The following STRN variants were observed in gnomAD, a reference collection of about 807,000 sequenced individuals.
STRN encodes the protein striatin, also known as protein phosphatase 2 regulatory subunit B'''alpha.
In STRN, 53 loss-of-function variants were observed where a neutral mutation model predicts 96.3. The ratio of observed to expected loss-of-function variants is 0.55; its 90% confidence interval spans 0.44 to 0.69. The LOEUF is 0.69. Ranked by LOEUF, STRN falls within the 30% of genes least tolerant of loss-of-function variation. The probability of loss-of-function intolerance (pLI) is 0.00; values close to 1 mark genes in which losing one functional copy is unlikely to be tolerated. For missense variants in STRN, 987 were observed against 963.9 expected, an observed-to-expected ratio of 1.02 and a Z score of -0.32; for synonymous variants, 428 against 355.9, an observed-to-expected ratio of 1.20 and a Z score of -2.28.
In STRN at chr2:36,848,464, A is replaced by G. The variant is rs910502489; in HGVS notation, c.*992T>C. ...ATAACTTGAACGTGACAAAGAAGAA[A>G]GAGCACAGATCATCTGAAGCATGAT... On this transcript the variant is annotated 3_prime_UTR_variant, in exon 18 of 18. Coordinates refer to ENST00000263918, the MANE Select transcript of STRN (RefSeq NM_003162.4). The G allele has an allele frequency of 5.3e-5, 8 of 152,200 alleles. No individual in the cohort carries two copies. Among genetic ancestry groups the G allele is most frequent in the Non-Finnish European group, 7.3e-5 (5 of 68,032 alleles). 9.4% of individuals were successfully genotyped at this position (152,200 alleles called of 1,614,324 possible). A position where few individuals can be genotyped will look rare whatever the true frequency, so the allele number is the denominator to read the frequency against.
Position 36,948,081 on chromosome 2 carries a change from C to CTTTTTTTTTTTTT in STRN, c.234+18136_234+18148dup, listed in dbSNP as rs553351693. Among the ~76,000 whole-genome samples the CTTTTTTTTTTTTT allele has an allele frequency of 1.9e-4, 13 of 68,138 alleles. 3 individuals carry two copies. The highest frequency in any genetic ancestry group is 3.8e-4 in the African/African-American group (6 of 15,886). 44.7% of individuals were successfully genotyped at this position (68,138 alleles called of 152,430 possible). ...TCTCCTCTATAATTATCAGTGCACT[C>CTTTTTTTTTTTTT]TTTTTTTTTTTTTTTTTTTTTTTTT... On this transcript the variant is annotated intron_variant, in intron 1 of 17. Coordinates refer to ENST00000263918, the MANE Select transcript of STRN (RefSeq NM_003162.4).
chr2:36,939,327 A>G (rs1670785092), intron 1 of STRN, among the ~76,000 whole-genome samples: 1 of 152,114 alleles, frequency 6.6e-6, no homozygotes, highest in African/African-American at 2.4e-5. Context: ...TTACAGACCA[A>G]TTACCTGATA....
At chr2:36,861,851 G>A (rs781652850) in intron 12 of STRN, among the ~76,000 whole-genome samples, 1 of 152,066 alleles carries the variant, frequency 6.6e-6, no homozygotes, top group Non-Finnish European at 1.5e-5. Flanking sequence ...GCGGTTTGCT[G>A]TACATATTAT....
At chr2:36,852,840 G>C (rs983936394) in intron 15 of STRN, among the ~76,000 whole-genome samples, 2 of 152,106 alleles carry the variant, frequency 1.3e-5, no homozygotes, top group Admixed American at 6.5e-5. Flanking sequence ...CTAGTGGCAG[G>C]TAATTACCCA....
chr2:36,942,187 T>C (rs868137769), intron 1 of STRN, among the ~76,000 whole-genome samples: 6 of 152,326 alleles, frequency 3.9e-5, no homozygotes, highest in Middle Eastern at 3.4e-3. Flanking sequence ...TTTTGTTGCT[T>C]TTCCCTGTGG....
At chr2:36,891,871 C>T (rs548577925) in intron 7 of STRN, among the ~76,000 whole-genome samples, 23 of 152,170 alleles carry the variant, frequency 1.5e-4, no homozygotes, top group African/African-American at 5.1e-4. Context: ...AAAAGTTCAA[C>T]AGAATTTTTA....
chr2:36,855,605 G>C (rs945765814), intron 14 of STRN, among the ~76,000 whole-genome samples: 1 of 152,140 alleles, frequency 6.6e-6, no homozygotes, highest in Non-Finnish European at 1.5e-5. Context: ...TGGAATGCAA[G>C]CCTTTATTTA....
chr2:36,866,388 G>A (rs1317475139), intron 12 of STRN, among the ~76,000 whole-genome samples: 3 of 152,130 alleles, frequency 2.0e-5, no homozygotes, highest in Admixed American at 2.0e-4. Flanking sequence ...TTTTTACTGT[G>A]TTTGGTCTGA....
intron 13 of STRN, among the ~76,000 whole-genome samples, 172 bp from the exon 14 acceptor site, chr2:36,858,195 T>C (rs1427638331): frequency 6.6e-6 from 1 of 152,140 alleles, no homozygotes; most frequent in East Asian, 1.9e-4. Flanking sequence ...AGCTTGGAAA[T>C]ATACAAATAT....
chr2:36,861,302 T>C (rs777121786), intron 12 of STRN, 49 bp from the exon 13 acceptor site: 1 of 1,590,768 alleles, frequency 6.3e-7, no homozygotes, highest in East Asian at 2.2e-5. Context: ...AAAACCAACC[T>C]GATAATATGA....
intron 1 of STRN, among the ~76,000 whole-genome samples, chr2:36,941,295 G>A (rs1471712619): frequency 6.6e-6 from 1 of 152,168 alleles, no homozygotes; most frequent in Non-Finnish European, 1.5e-5. Context: ...TGCAAAAGGG[G>A]ACTATAAAGC....
intron 6 of STRN, among the ~76,000 whole-genome samples, chr2:36,899,160 A>G (rs1158641555): frequency 6.6e-6 from 1 of 152,240 alleles, no homozygotes; most frequent in Admixed American, 6.5e-5. Context: ...TGCATATATT[A>G]GAGCTGATGC....
chr2:36,949,215 G>T (rs780735634), intron 1 of STRN, among the ~76,000 whole-genome samples: 1 of 152,180 alleles, frequency 6.6e-6, no homozygotes, highest in Admixed American at 6.5e-5. Context: ...TATAGCCTAG[G>T]TATGTAGCAG....
In STRN at chr2:36,847,902, A is replaced by G. The variant is rs1572617818; in HGVS notation, c.*1554T>C. The G allele has an allele frequency of 6.6e-6, 1 of 152,236 alleles. No individual in the cohort carries two copies. The highest frequency in any genetic ancestry group is 1.5e-5 in the Non-Finnish European group (1 of 68,038). The allele number at this position is 152,236 out of a possible 1,614,324, so 9.4% of individuals were successfully genotyped here. Reference sequence around the variant, plus strand: ...ATTGGTTAAAATATCTATAGATTTAATATTTTTAAAATCTAAGAGCCTATT... The same window carrying G: ...ATTGGTTAAAATATCTATAGATTTAGTATTTTTAAAATCTAAGAGCCTATT... On this transcript the variant is annotated 3_prime_UTR_variant, in exon 18 of 18. Coordinates refer to ENST00000263918, the MANE Select transcript of STRN (RefSeq NM_003162.4).
intron 1 of STRN, among the ~76,000 whole-genome samples, chr2:36,925,702 G>A (rs1670390767): frequency 6.6e-6 from 1 of 152,088 alleles, no homozygotes; most frequent in Non-Finnish European, 1.5e-5. Context: ...GAACCCAGGA[G>A]GCAGGGGTTG....
intron 7 of STRN, among the ~76,000 whole-genome samples, chr2:36,888,141 T>C (rs1669288145): frequency 6.6e-6 from 1 of 152,188 alleles, no homozygotes; most frequent in African/African-American, 2.4e-5. Context: ...GGGAAAACTA[T>C]TTTCTCTACC....
intron 3 of STRN, among the ~76,000 whole-genome samples, chr2:36,907,538 ACT>A (rs1669856092): frequency 6.6e-6 from 1 of 151,728 alleles, no homozygotes; most frequent in Admixed American, 6.6e-5. Flanking sequence ...ACAGAGCAAG[ACT>A]CTGTCTCAAA....
chr2:36,887,545 T>A (rs1236687245), intron 7 of STRN, among the ~76,000 whole-genome samples: 57 of 151,962 alleles, frequency 3.8e-4, no homozygotes, highest in Admixed American at 3.6e-3. Flanking sequence ...AAAGACTTTG[T>A]ATTAATTTAT....
intron 1 of STRN, among the ~76,000 whole-genome samples, chr2:36,945,223 T>C (rs1255243401): frequency 6.6e-6 from 1 of 151,880 alleles, no homozygotes; most frequent in South Asian, 2.1e-4. Flanking sequence ...AGAAGGGAAA[T>C]AAATATGAGA....
Sources: allele counts gnomAD v4.1 joint callset (sites outside exome capture counted in the v4.1 genomes callset), GRCh38; gene constraint gnomAD v4.1.1; transcripts MANE v1.5; gene names NCBI Gene and HGNC (gene_info 2026-07-23, HGNC 2026-07-21).